C3orf22: variants seen among roughly 807,000 people sequenced by gnomAD.
The protein encoded by C3orf22 is uncharacterized protein C3orf22.
In C3orf22, 7 loss-of-function variants were observed where a neutral mutation model predicts 10.8. That is an observed-to-expected ratio of 0.65 (90% CI 0.37 to 1.22). The LOEUF (loss-of-function observed/expected upper bound fraction) is 1.22. Ranked by LOEUF, C3orf22 falls within the 50% of genes most tolerant of loss-of-function variation. The pLI is 0.02. For synonymous variants in C3orf22, 79 were observed against 78.9 expected, an observed-to-expected ratio of 1.00 and a Z score of 0.00; for missense variants, 173 against 177.0, an observed-to-expected ratio of 0.98 and a Z score of 0.13.
At chr3:126,548,570 G>A (rs1388476865), downstream of C3orf22, among the ~76,000 whole-genome samples, 1 of 152,232 alleles carries the variant, frequency 6.6e-6, no homozygotes, top group African/African-American at 2.4e-5. Context: ...GGACCCCAGG[G>A]ATCTTTGCTT....
At chr3:126,552,461 T>TACAC (rs1190525240) in intron 2 of C3orf22, among the ~76,000 whole-genome samples, 19 of 152,032 alleles carry the variant, frequency 1.2e-4, no homozygotes, top group Non-Finnish European at 2.6e-4. Context: ...GTGTGGTGTG[T>TACAC]ACCTGCCACC....
exon 5 of C3orf22, chr3:126,529,207 T>C: frequency 1.2e-6 from 1 of 815,404 alleles, no homozygotes; most frequent in Non-Finnish European, 1.8e-6. Flanking sequence ...GCTGTAGGTT[T>C]CTAGTGTGGT....
exon 5 of C3orf22, chr3:126,529,169 G>T: frequency 1.8e-6 from 1 of 557,682 alleles, no homozygotes; most frequent in South Asian, 1.6e-5. Context: ...GCTGAGGTGG[G>T]TGTGCAGAGG....
chr3:126,549,528 T>A, downstream of C3orf22: 1 of 693,860 alleles, frequency 1.4e-6, no homozygotes, highest in Non-Finnish European at 2.3e-6. Context: ...GTGAACAGCA[T>A]TTACTTACCT....
At chr3:126,551,951 C>A in intron 3 of C3orf22, 46 bp downstream of exon 3, 2 of 1,553,412 alleles carry the variant, frequency 1.3e-6, no homozygotes, top group South Asian at 2.4e-5. Flanking sequence ...AGCCAGGCAG[C>A]ATGCACACAG....
intron 4 of C3orf22, among the ~76,000 whole-genome samples, chr3:126,534,471 A>G (rs1211753174): frequency 6.6e-6 from 1 of 152,068 alleles, no homozygotes; most frequent in Non-Finnish European, 1.5e-5. Flanking sequence ...CCCAGGAGAC[A>G]GACAGACAGC....
intron 4 of C3orf22, chr3:126,542,038 G>C (rs568699770): frequency 6.4e-7 from 1 of 1,573,274 alleles, no homozygotes; most frequent in Admixed American, 1.8e-5. Flanking sequence ...AGATCAACCG[G>C]CGCCTGCGCG....
chr3:126,541,174 G>A (rs1229791280), intron 4 of C3orf22, among the ~76,000 whole-genome samples: 1 of 152,236 alleles, frequency 6.6e-6, no homozygotes, highest in African/African-American at 2.4e-5. Context: ...AGGAGGGACA[G>A]GCTCAGAAGG....
intron 4 of C3orf22, chr3:126,541,726 C>T: frequency 1.4e-6 from 2 of 1,449,094 alleles, no homozygotes; most frequent in Non-Finnish European, 1.8e-6. Context: ...TCTCCTGTCG[C>T]CCACAGGACC....
At chr3:126,552,362 A>G (rs548729806) in intron 2 of C3orf22, among the ~76,000 whole-genome samples, 1 of 152,212 alleles carries the variant, frequency 6.6e-6, no homozygotes, top group Admixed American at 6.5e-5. Context: ...CCTGCTCCAG[A>G]GCCTTGTCAT....
At chr3:126,537,444 G>T (rs1399885760) in intron 4 of C3orf22, among the ~76,000 whole-genome samples, 1 of 152,244 alleles carries the variant, frequency 6.6e-6, no homozygotes, top group Admixed American at 6.5e-5. Flanking sequence ...CCCTACTGCT[G>T]TGTAGAGAAG....
At position 126,533,713 on chromosome 3, in the gene C3orf22, C is replaced by T. The variant is rs1219394804; in HGVS notation, c.287-4341G>A. ...TTGTGATGTCTTTGTCTGGTTTGGT[C>T]ATCTAGATAATACTGGCCTTATGTA... On this transcript the variant is annotated intron_variant and NMD_transcript_variant, in intron 4 of 5. Transcript: ENST00000505070. 2.0e-5 allele frequency among the ~76,000 whole-genome samples: 3 copies of T among 152,114 alleles called. No homozygotes were observed. The South Asian group carries it at 6.2e-4, about 31-fold the overall frequency.
At chr3:126,547,611 C>T (rs1576243130), downstream of C3orf22, among the ~76,000 whole-genome samples, 1 of 152,246 alleles carries the variant, frequency 6.6e-6, no homozygotes, top group Non-Finnish European at 1.5e-5. Context: ...CCAGCGACCC[C>T]TCCTGCTCCA....
chr3:126,535,730 A>G (rs1031220623), intron 4 of C3orf22, among the ~76,000 whole-genome samples: 1 of 152,260 alleles, frequency 6.6e-6, no homozygotes, highest in Non-Finnish European at 1.5e-5. Flanking sequence ...GAAGCAGCAT[A>G]TTCCCTGATG....
rs1326158612 is a variant in C3orf22 at position 126,549,808 on chromosome 3, T to C, written c.*60A>G. ...CCTTTACTAAAGTCTCTGTGGCTACTGCCCAGAGCCTGCCAAGGAGAAGGT... is the reference window on the plus strand; with the variant it reads ...CCTTTACTAAAGTCTCTGTGGCTACCGCCCAGAGCCTGCCAAGGAGAAGGT... On this transcript the variant is annotated 3_prime_UTR_variant, in exon 4 of 4. Coordinates refer to ENST00000318225, the MANE Select transcript of C3orf22 (RefSeq NM_152533.3). The C allele has an allele frequency of 1.4e-5, 22 of 1,553,044 alleles. No homozygotes were observed. Among genetic ancestry groups the C allele is most frequent in the Non-Finnish European group, 1.7e-5 (20 of 1,151,128 alleles).
At chr3:126,534,742 C>T (rs1936729527) in intron 4 of C3orf22, among the ~76,000 whole-genome samples, 3 of 148,814 alleles carry the variant, frequency 2.0e-5, no homozygotes, top group African/African-American at 7.5e-5. Flanking sequence ...GCATCCCTGT[C>T]CCCACCCAGG....
intron 4 of C3orf22, among the ~76,000 whole-genome samples, chr3:126,540,330 T>G (rs908609646): frequency 6.6e-6 from 1 of 152,198 alleles, no homozygotes; most frequent in Non-Finnish European, 1.5e-5. Context: ...AACATTGTGA[T>G]CACCCTCAAA....
downstream of C3orf22, among the ~76,000 whole-genome samples, chr3:126,547,479 G>C (rs1937087770): frequency 6.6e-6 from 1 of 152,238 alleles, no homozygotes; most frequent in African/African-American, 2.4e-5. Flanking sequence ...ACGCCCAGGA[G>C]AGGAGGCACG....
At chr3:126,549,249 A>AC (rs71150448), downstream of C3orf22, among the ~76,000 whole-genome samples, 117,795 of 146,574 alleles carry the variant, frequency 0.8, 47,329 homozygotes, top group East Asian at 0.89. Context: ...CTCCTCATCC[A>AC]CGCCCCCCCC....
Sources: allele counts gnomAD v4.1 joint callset (sites outside exome capture counted in the v4.1 genomes callset), GRCh38; gene constraint gnomAD v4.1.1; transcripts MANE v1.5; gene names NCBI Gene and HGNC (gene_info 2026-07-23, HGNC 2026-07-21).